FRAS1: variants seen among roughly 807,000 people sequenced by gnomAD.
The protein encoded by FRAS1 is extracellular matrix organizing protein FRAS1.
A neutral mutation model predicts 435.2 loss-of-function variants in FRAS1; 290 were observed. The observed-to-expected ratio is 0.67, with a 90% CI of 0.61 to 0.73. The LOEUF is 0.73. FRAS1 is among the 30% of genes least tolerant of loss of function. The pLI, the probability that FRAS1 is intolerant of heterozygous loss-of-function variation, is 0.00. For missense variants in FRAS1, 4,860 were observed against 5,001.5 expected (o/e 0.97, Z 0.85); for synonymous variants, 1,800 against 1,851.0 (o/e 0.97, Z 0.71).
chr4:78,425,995 TGGGAGGATTGCTTGAACTG>T (rs1056634544), intron 35 of FRAS1, among the ~76,000 whole-genome samples: 12 of 151,864 alleles, frequency 7.9e-5, no homozygotes, highest in Non-Finnish European at 1.5e-4. Context: ...AAGGCTGAGG[TGGGAGGATTGCTTGAACTG>T]GGGAGGTTGA....
chr4:78,295,005 C>A (rs1271238143), intron 14 of FRAS1, among the ~76,000 whole-genome samples: 2 of 151,796 alleles, frequency 1.3e-5, no homozygotes, highest in African/African-American at 2.4e-5. Context: ...TATACACATA[C>A]ACTTTTTTTT....
chr4:78,373,166 G>A (rs766938832), intron 24 of FRAS1, among the ~76,000 whole-genome samples: 3 of 151,980 alleles, frequency 2.0e-5, no homozygotes, highest in Non-Finnish European at 2.9e-5. Context: ...CCTCCAGGTG[G>A]GAAGGTGTTT....
intron 66 of FRAS1, among the ~76,000 whole-genome samples, chr4:78,517,398 G>A (rs1443770486): frequency 1.3e-5 from 2 of 152,170 alleles, no homozygotes; most frequent in African/African-American, 4.8e-5. Context: ...TGATTTTGCT[G>A]TAATTACTGT....
chr4:78,416,286 A>G (rs1733550701), intron 32 of FRAS1, among the ~76,000 whole-genome samples: 1 of 152,188 alleles, frequency 6.6e-6, no homozygotes, highest in Non-Finnish European at 1.5e-5. Flanking sequence ...CCAGGGGTAG[A>G]GTGCGTGATG....
intron 18 of FRAS1, among the ~76,000 whole-genome samples, chr4:78,325,730 A>G (rs983920956): frequency 8.5e-5 from 13 of 152,362 alleles, no homozygotes; most frequent in African/African-American, 2.9e-4. Context: ...TGAAAAGAGC[A>G]TGACACATGC....
In FRAS1 at chr4:78,369,905, G is replaced by A. The variant is rs371266916; in HGVS notation, c.2790G>A (p.Lys930=). The change falls in exon 23 of 74, where the codon AAG becomes AAA. Residue 930 remains lysine (K), a synonymous_variant. Coordinates refer to ENST00000512123, the MANE Select transcript of FRAS1 (RefSeq NM_025074.7). Reference sequence around the variant, plus strand: ...GTACCTCCTGCCGAGATCCAAACAAGGTTCTGCTCTTTGGGGAATGTCAAT... The same window carrying A: ...GTACCTCCTGCCGAGATCCAAACAAAGTTCTGCTCTTTGGGGAATGTCAAT... ...ASCTSCRDPN[K]VLLFGECQYE... 2.9e-5 allele frequency: 46 copies of A among 1,613,722 alleles called. 1 individual carries two copies. The highest frequency in any genetic ancestry group is 3.8e-5 in the Non-Finnish European group (45 of 1,179,792).
In FRAS1 at chr4:78,475,523, C is replaced by T. The variant is rs368735572; in HGVS notation, c.7768C>T (p.Arg2590Cys). The T allele has an allele frequency of 3.3e-5, 54 of 1,613,722 alleles. No individual in the cohort carries two copies. In the Admixed American group the frequency reaches 4.5e-4, roughly 13 times the overall value. Residue 2590 changes from arginine (R) to cysteine (C), a missense_variant, in exon 54 of 74, where the codon CGC (arginine) becomes TGC (cysteine). Arg to Cys is a radical substitution (Grantham distance 180). Transcript: ENST00000512123. ...GAACCAATATGCCATCGTCCTGTGT[C>T]GCACCGAGCAAGGCACCGCCAGCTC... Reference protein sequence around the residue: ...NLNQYAIVLCRTEQGTASSSS... With the variant: ...NLNQYAIVLCCTEQGTASSSS...
chr4:78,313,445 C>T (rs1027563926), intron 15 of FRAS1, among the ~76,000 whole-genome samples: 1 of 149,202 alleles, frequency 6.7e-6, no homozygotes, highest in Non-Finnish European at 1.5e-5. Context: ...ATTAAGGGAA[C>T]AGACAGAATA....
intron 21 of FRAS1, 60 bp downstream of exon 21, chr4:78,363,725 G>A (rs1241119681): frequency 6.5e-7 from 1 of 1,527,778 alleles, no homozygotes; most frequent in African/African-American, 1.4e-5. Flanking sequence ...TGGGGCAGTA[G>A]CTGGGAAGGA....
intron 2 of FRAS1, among the ~76,000 whole-genome samples, chr4:78,180,386 A>G (rs574984773): frequency 1.3e-5 from 2 of 152,380 alleles, no homozygotes; most frequent in African/African-American, 2.4e-5. Flanking sequence ...TTGACAAATC[A>G]AAGTTTAACA....
At chr4:78,365,857 G>A (rs892897244) in intron 22 of FRAS1, among the ~76,000 whole-genome samples, 5 of 151,696 alleles carry the variant, frequency 3.3e-5, no homozygotes, top group Admixed American at 6.6e-5. Flanking sequence ...CCAGCTACTC[G>A]GGGGTGCTGA....
At chr4:78,148,776 C>T (rs998253896) in intron 2 of FRAS1, among the ~76,000 whole-genome samples, 5 of 152,114 alleles carry the variant, frequency 3.3e-5, no homozygotes, top group Admixed American at 3.3e-4. Context: ...TTAAGTGGAT[C>T]CATCCTGCTT....
At chr4:78,321,385 T>A (rs1729497393) in intron 18 of FRAS1, among the ~76,000 whole-genome samples, 1 of 152,226 alleles carries the variant, frequency 6.6e-6, no homozygotes, top group African/African-American at 2.4e-5. Flanking sequence ...GCTACTGTAT[T>A]CCAGTGGCTG....
At chr4:78,292,857 T>TG in intron 14 of FRAS1, among the ~76,000 whole-genome samples, 1 of 152,326 alleles carries the variant, frequency 6.6e-6, no homozygotes, top group South Asian at 2.1e-4. Context: ...TACCACTGCC[T>TG]TCACTCATTT....
chr4:78,208,971 T>G (rs774367431), intron 2 of FRAS1, among the ~76,000 whole-genome samples: 11 of 151,748 alleles, frequency 7.2e-5, no homozygotes, highest in Non-Finnish European at 1.5e-4. Flanking sequence ...ACCCTGTCTC[T>G]ACAAAAAAAT....
At chr4:78,205,192 T>C (rs1041413850) in intron 2 of FRAS1, among the ~76,000 whole-genome samples, 218 of 76,598 alleles carry the variant, frequency 2.8e-3, no homozygotes, top group African/African-American at 8.0e-3. Flanking sequence ...CTTTCCTTCC[T>C]TTTTTTTTTT....
intron 14 of FRAS1, among the ~76,000 whole-genome samples, chr4:78,304,159 T>C (rs1456640696): frequency 6.7e-6 from 1 of 150,232 alleles, no homozygotes; most frequent in Non-Finnish European, 1.5e-5. Flanking sequence ...GGATTACATT[T>C]ATTGATTTGC....
intron 14 of FRAS1, among the ~76,000 whole-genome samples, chr4:78,293,273 C>T (rs1727986188): frequency 6.6e-6 from 1 of 152,160 alleles, no homozygotes; most frequent in Non-Finnish European, 1.5e-5. Context: ...CAGGGACATG[C>T]CGTATACTTC....
rs747959315 is a variant in FRAS1, at chr4:78,379,845, C to G, written c.3412C>G (p.Leu1138Val). Reference protein sequence around the residue: ...VQDQEGRVEDLLFHVVSTPTN... With the variant: ...VQDQEGRVEDVLFHVVSTPTN... The stretch of plus-strand genomic sequence containing the variant: ...AGACCAGGAGGGTAGGGTCGAAGAT[C>G]TCCTATTTCATGTTGTGAGCACTCC... Residue 1138 changes from leucine (L) to valine (V), a missense_variant, in exon 27 of 74, where the codon CTC becomes GTC. By Grantham distance (32) the Leu-to-Val change is conservative (BLOSUM62 1). Coordinates refer to ENST00000512123, the MANE Select transcript of FRAS1 (RefSeq NM_025074.7). The G allele has an allele frequency of 6.2e-7, 1 of 1,613,860 alleles. No homozygotes were observed. Among genetic ancestry groups the G allele is most frequent in the Admixed American group, 1.7e-5 (1 of 59,992 alleles).
Sources: gnomAD v4.1 joint callset for allele counts (sites outside exome capture counted in the v4.1 genomes callset) on GRCh38, gnomAD v4.1.1 for gene constraint, MANE v1.5 for transcripts, NCBI Gene and HGNC (gene_info 2026-07-23, HGNC 2026-07-21) for gene names.